The following ARHGEF7 variants were observed in gnomAD, a reference collection of about 807,000 sequenced individuals.
ARHGEF7 encodes the protein Rho guanine nucleotide exchange factor 7.
Under a neutral mutation model 109.8 loss-of-function variants are expected in ARHGEF7, and 33 were observed. That is an observed-to-expected ratio of 0.30 (90% CI 0.23 to 0.40). The LOEUF (loss-of-function observed/expected upper bound fraction) is 0.40, where lower values mean the gene tolerates loss of function less well. Ranked by LOEUF, ARHGEF7 falls within the 10% of genes least tolerant of loss-of-function variation. ARHGEF7 has a pLI of 1.00. For synonymous variants in ARHGEF7, 458 were observed against 424.6 expected (o/e 1.08, Z -0.97); for missense variants, 938 against 1,098.5 (o/e 0.85, Z 2.07).
At chr13:111,123,757 T>C (rs2067350269) in intron 1 of ARHGEF7, among the ~76,000 whole-genome samples, 2 of 151,532 alleles carry the variant, frequency 1.3e-5, no homozygotes, top group Admixed American at 6.6e-5. Context: ...TTAACCCTCC[T>C]CACCACCCTA....
At chr13:111,265,453 T>G (rs941309795) in intron 8 of ARHGEF7, 2 of 397,180 alleles carry the variant, frequency 5.0e-6, no homozygotes, top group African/African-American at 4.1e-5. Context: ...ACTTGTGACT[T>G]GCTGATTCTC....
chr13:111,161,856 C>T (rs974529320), intron 2 of ARHGEF7, among the ~76,000 whole-genome samples: 1 of 152,016 alleles, frequency 6.6e-6, no homozygotes, highest in African/African-American at 2.4e-5. Flanking sequence ...GAGTCTTTTC[C>T]CATGTTAAAT....
chr13:111,235,534 TTATAAATAGCACATGGTAAA>T (rs1238456347), intron 6 of ARHGEF7, among the ~76,000 whole-genome samples: 4 of 152,208 alleles, frequency 2.6e-5, no homozygotes, highest in Non-Finnish European at 5.9e-5. Context: ...AAAGCTGCAT[TTATAAATAGCACATGGTAAA>T]ATTACAGTTG....
intron 2 of ARHGEF7, among the ~76,000 whole-genome samples, chr13:111,167,567 T>G (rs1463258928): frequency 6.6e-6 from 1 of 152,258 alleles, no homozygotes; most frequent in African/African-American, 2.4e-5. Context: ...TTGCCCTGCA[T>G]GTGTGACATG....
Position 111,304,261 on chromosome 13 carries a change from GTCCTC to G in ARHGEF7, c.*1149_*1153del, listed in dbSNP as rs2093619697. ...TTCCAGTGCAGAGGAGACGAAGCCT[GTCCTC>G]ACCGCGGCTCGCTGGGCCCAGGCTG... On this transcript the variant is annotated 3_prime_UTR_variant, in exon 22 of 22. Transcript: ENST00000646102. The G allele has an allele frequency of 6.6e-6, 1 of 152,256 alleles. No homozygotes were observed. Among genetic ancestry groups the G allele is most frequent in the Non-Finnish European group, 1.5e-5 (1 of 68,062 alleles). The allele number at this position is 152,256 out of a possible 1,614,324, so 9.4% of individuals were successfully genotyped here.
chr13:111,166,793 C>G (rs2077168593), intron 2 of ARHGEF7, among the ~76,000 whole-genome samples: 1 of 152,174 alleles, frequency 6.6e-6, no homozygotes, highest in African/African-American at 2.4e-5. Flanking sequence ...GTCTGGACTT[C>G]AGGGATGCGG....
chr13:111,170,215 A>G (rs2077471370), intron 2 of ARHGEF7, among the ~76,000 whole-genome samples: 1 of 152,188 alleles, frequency 6.6e-6, no homozygotes, highest in African/African-American at 2.4e-5. Context: ...CTCATGCCTC[A>G]ACCTCTCGAG....
intron 8 of ARHGEF7, among the ~76,000 whole-genome samples, chr13:111,259,087 C>G (rs554278812): frequency 6.6e-6 from 1 of 152,180 alleles, no homozygotes; most frequent in African/African-American, 2.4e-5. Flanking sequence ...CAGCTAGATT[C>G]CTAAGGTTTC....
chr13:111,131,606 C>T lies in ARHGEF7; in HGVS notation c.165+15915C>T, dbSNP rs2074757617. Among the ~76,000 whole-genome samples the T allele has an allele frequency of 6.6e-6, 1 of 152,154 alleles. No homozygotes were observed. Among genetic ancestry groups the T allele is most frequent in the Admixed American group, 6.5e-5 (1 of 15,282 alleles). ...CCTTGGGAAGGGTGGAGATGAATAACCAGGTGGTGCTGATGAGCCTGAAGA... is the reference window on the plus strand; with the variant it reads ...CCTTGGGAAGGGTGGAGATGAATAATCAGGTGGTGCTGATGAGCCTGAAGA... On this transcript the variant is annotated intron_variant, in intron 1 of 21. Coordinates refer to ENST00000646102, the MANE Select transcript of ARHGEF7 (RefSeq NM_001354046.2). This position sits in a 1 kb window ranked among gnomAD's most constrained non-coding sequence, Gnocchi z 4.4.
chr13:111,128,198 G>A (rs2153337570), intron 1 of ARHGEF7, among the ~76,000 whole-genome samples: 1 of 152,284 alleles, frequency 6.6e-6, no homozygotes, highest in African/African-American at 2.4e-5. Context: ...TTACACTGGA[G>A]GTCTCACCCA....
At chr13:111,144,028 T>A (rs1335863594) in intron 1 of ARHGEF7, 1 of 152,254 alleles carries the variant, frequency 6.6e-6, no homozygotes, top group Non-Finnish European at 1.5e-5. Context: ...GATTTTAAAC[T>A]GCTTTTAGAG....
At chr13:111,280,406 C>T in intron 14 of ARHGEF7, 56 bp downstream of exon 14, 1 of 1,588,714 alleles carries the variant, frequency 6.3e-7, no homozygotes, top group Non-Finnish European at 8.6e-7. Context: ...GCAGCTTGTC[C>T]CCGCGTGCAG....
chr13:111,262,498 C>G (rs947038154), intron 8 of ARHGEF7, among the ~76,000 whole-genome samples: 1 of 152,172 alleles, frequency 6.6e-6, no homozygotes, highest in Non-Finnish European at 1.5e-5. Flanking sequence ...ATCTGTTGAT[C>G]ACGACAGGCT....
chr13:111,203,723 T>C (rs1309871825), intron 2 of ARHGEF7, among the ~76,000 whole-genome samples: 1 of 152,258 alleles, frequency 6.6e-6, no homozygotes, highest in Non-Finnish European at 1.5e-5. Context: ...TCTTTATTTA[T>C]GTTTAAACAT....
intron 2 of ARHGEF7, among the ~76,000 whole-genome samples, chr13:111,181,412 G>A (rs1175780893): frequency 6.6e-6 from 1 of 152,192 alleles, no homozygotes; most frequent in African/African-American, 2.4e-5. Flanking sequence ...AGAGGTGGAG[G>A]TCATTTTGTA....
intron 1 of ARHGEF7, among the ~76,000 whole-genome samples, chr13:111,117,937 A>T (rs956559323): frequency 2.1e-4 from 32 of 152,368 alleles, no homozygotes; most frequent in African/African-American, 7.7e-4. Context: ...AATAACTTTT[A>T]CTTAAATGTG....
At chr13:111,153,866 G>A (rs988507106) in intron 1 of ARHGEF7, 39 bp from the exon 2 acceptor site, 6 of 1,578,538 alleles carry the variant, frequency 3.8e-6, no homozygotes, top group Non-Finnish European at 5.1e-6. Context: ...CGTCCCCGCT[G>A]CCGGCCACGG....
rs1418854715 is a variant in ARHGEF7 at position 111,209,869 on chromosome 13, C to T, written c.338-3C>T. 2 of 1,613,918 alleles carry T rather than the reference C, an allele frequency of 1.2e-6. No individual in the cohort carries two copies. Among genetic ancestry groups the T allele is most frequent in the Non-Finnish European group, 8.5e-7 (1 of 1,179,868 alleles). ...TCTTTTTCTGTGTGCATGCTCTTTG[C>T]AGACATCGGGCTGGGGAGTGACTCC... is the stretch of plus-strand genomic sequence containing the variant. On this transcript the variant is annotated splice_polypyrimidine_tract_variant and splice_region_variant and intron_variant, in intron 3 of 21. Coordinates refer to ENST00000646102, the MANE Select transcript of ARHGEF7 (RefSeq NM_001354046.2).
At chr13:111,219,649 T>C (rs2083567804) in intron 5 of ARHGEF7, among the ~76,000 whole-genome samples, 1 of 152,134 alleles carries the variant, frequency 6.6e-6, no homozygotes, top group Non-Finnish European at 1.5e-5. Flanking sequence ...CAACTTGTTT[T>C]TTTTTTTCTT....
Sources: allele counts gnomAD v4.1 joint callset (sites outside exome capture counted in the v4.1 genomes callset), GRCh38; gene constraint gnomAD v4.1.1; non-coding constraint Gnocchi (gnomAD v3.1); transcripts MANE v1.5; gene names NCBI Gene and HGNC (gene_info 2026-07-23, HGNC 2026-07-21).